The following IL1RAPL2 variants were observed in gnomAD, a reference collection of about 807,000 sequenced individuals.
IL1RAPL2 encodes the protein X-linked interleukin-1 receptor accessory protein-like 2.
IL1RAPL2 carries 3 observed loss-of-function variants against 44.1 expected under a neutral mutation model. The observed-to-expected ratio is 0.07, with a 90% confidence interval of 0.03 to 0.18. The LOEUF is 0.18. Ranked by LOEUF, IL1RAPL2 falls within the 10% of genes least tolerant of loss-of-function variation. The pLI is 1.00. For synonymous variants in IL1RAPL2, 181 were observed against 178.8 expected (o/e 1.01, Z -0.10); for missense variants, 391 against 496.4 (o/e 0.79, Z 2.02).
intron 5 of IL1RAPL2, among the ~76,000 whole-genome samples, chrX:105,392,161 A>T (rs2035530340): frequency 9.1e-6 from 1 of 109,521 alleles, no homozygotes; most frequent in African/African-American, 3.3e-5. Flanking sequence ...TAAAATAAAA[A>T]AATAAAAAAT....
chrX:105,664,711 A>G (rs1038907400), intron 6 of IL1RAPL2, among the ~76,000 whole-genome samples: 20 of 111,802 alleles, frequency 1.8e-4, no homozygotes, highest in African/African-American at 6.5e-4. Flanking sequence ...GGGCCATAAC[A>G]ACCTTTAAGG....
In IL1RAPL2 at chrX:104,908,990, G is replaced by C. The variant is rs1456410573; in HGVS notation, c.82+249995G>C. On this transcript the variant is annotated intron_variant, in intron 2 of 10. Transcript: ENST00000372582. ...TCACTTTCAGGTACACCAATCAGAC[G>C]TAGATTTGGTCTTTTCACATAGTCC... 3.6e-5 allele frequency among the ~76,000 whole-genome samples: 4 copies of C among 109,808 alleles called. No individual in the cohort carries two copies. In the East Asian group the frequency reaches 1.1e-3, roughly 31 times the overall value.
chrX:105,005,209 TGAG>T (rs2030920357), intron 2 of IL1RAPL2, among the ~76,000 whole-genome samples: 1 of 111,617 alleles, frequency 9.0e-6, no homozygotes, highest in African/African-American at 3.2e-5. Context: ...GTAAGTTTAA[TGAG>T]GAGAAGAACA....
intron 6 of IL1RAPL2, among the ~76,000 whole-genome samples, chrX:105,538,220 T>C (rs1252736037): frequency 9.2e-6 from 1 of 108,263 alleles, no homozygotes; most frequent in African/African-American, 3.4e-5. Context: ...GTATTTTTAG[T>C]AGAGACAGGG....
intron 5 of IL1RAPL2, among the ~76,000 whole-genome samples, chrX:105,301,708 C>T (rs2147674898): frequency 8.9e-6 from 1 of 112,073 alleles, no homozygotes; most frequent in South Asian, 3.7e-4. Context: ...AGATCTCATT[C>T]TTTTTTTATG....
chrX:105,598,271 CAT>C (rs1334026448), intron 6 of IL1RAPL2, among the ~76,000 whole-genome samples: 1 of 110,063 alleles, frequency 9.1e-6, no homozygotes, highest in African/African-American at 3.3e-5. Flanking sequence ...AAGTCAAACA[CAT>C]AGAAACAGAA....
intron 2 of IL1RAPL2, among the ~76,000 whole-genome samples, chrX:104,877,224 C>G (rs1198214687): frequency 9.0e-6 from 1 of 111,269 alleles, no homozygotes; most frequent in South Asian, 3.8e-4. Context: ...GCATGATTTA[C>G]AGTCCTTTGG....
At chrX:105,044,296 T>G (rs751036477) in intron 2 of IL1RAPL2, among the ~76,000 whole-genome samples, 1 of 111,153 alleles carries the variant, frequency 9.0e-6, no homozygotes, top group East Asian at 2.9e-4. Context: ...GTGTTAATAG[T>G]TTTGTATTTA....
At chrX:105,147,787 A>G (rs1006834576) in intron 2 of IL1RAPL2, among the ~76,000 whole-genome samples, 5 of 112,005 alleles carry the variant, frequency 4.5e-5, no homozygotes, top group Non-Finnish European at 9.4e-5. Context: ...TATTATGAAT[A>G]ATGCCATTAT....
intron 2 of IL1RAPL2, among the ~76,000 whole-genome samples, chrX:105,194,823 T>G (rs140175075): frequency 0.013 from 1,458 of 111,807 alleles, 28 homozygotes; most frequent in African/African-American, 0.045. Flanking sequence ...TTGTCACAAT[T>G]ATAGGCATAG....
chrX:104,900,326 G>A (rs1239362254), intron 2 of IL1RAPL2, among the ~76,000 whole-genome samples: 1 of 110,847 alleles, frequency 9.0e-6, no homozygotes, highest in Non-Finnish European at 1.9e-5. Context: ...TGGCATACGG[G>A]ATCAGATACA....
intron 2 of IL1RAPL2, among the ~76,000 whole-genome samples, chrX:104,939,249 G>T (rs1017115837): frequency 1.8e-5 from 2 of 110,231 alleles, no homozygotes; most frequent in Admixed American, 1.9e-4. Flanking sequence ...TAGAGACGGG[G>T]TTTCGCCATG....
chrX:104,595,824 C>T (rs1357083899), intron 1 of IL1RAPL2, among the ~76,000 whole-genome samples: 1 of 111,744 alleles, frequency 8.9e-6, no homozygotes, highest in Non-Finnish European at 1.9e-5. Context: ...GGATCTCTTA[C>T]ATAAAAATCA....
chrX:105,260,738 C>T (rs1201842235), intron 4 of IL1RAPL2, among the ~76,000 whole-genome samples: 1 of 111,513 alleles, frequency 9.0e-6, no homozygotes, highest in Non-Finnish European at 1.9e-5. Context: ...AGATCCCTTC[C>T]ACCACTGGTC....
intron 2 of IL1RAPL2, among the ~76,000 whole-genome samples, chrX:105,033,865 C>T (rs888550795): frequency 2.7e-5 from 3 of 112,037 alleles, no homozygotes; most frequent in South Asian, 3.7e-4. Flanking sequence ...GTACACCAAT[C>T]AGACATAGAT....
At chrX:105,200,619 A>G (rs2033708135) in intron 3 of IL1RAPL2, among the ~76,000 whole-genome samples, 1 of 112,352 alleles carries the variant, frequency 8.9e-6, no homozygotes, top group Admixed American at 9.4e-5. Context: ...CAGATATTGA[A>G]AAGAATGATT....
At chrX:105,716,169 C>CA (rs1295497332) in intron 6 of IL1RAPL2, among the ~76,000 whole-genome samples, 1 of 111,530 alleles carries the variant, frequency 9.0e-6, no homozygotes, top group Non-Finnish European at 1.9e-5. Flanking sequence ...AAAAAAACTG[C>CA]ATACCAAGAA....
intron 2 of IL1RAPL2, among the ~76,000 whole-genome samples, chrX:104,741,268 G>A (rs1222490420): frequency 1.8e-5 from 2 of 111,172 alleles, no homozygotes; most frequent in Non-Finnish European, 3.8e-5. Context: ...AGAAAATAAA[G>A]GAGGTGAGAA....
At chrX:104,677,871 C>T (rs755473238) in intron 2 of IL1RAPL2, among the ~76,000 whole-genome samples, 17 of 112,119 alleles carry the variant, frequency 1.5e-4, no homozygotes, top group South Asian at 7.6e-4. Flanking sequence ...AGGTGCCCTC[C>T]GTCACCCCTT....
Sources: allele counts gnomAD v4.1 joint callset (sites outside exome capture counted in the v4.1 genomes callset), GRCh38; gene constraint gnomAD v4.1.1; transcripts MANE v1.5; gene names NCBI Gene and HGNC (gene_info 2026-07-23, HGNC 2026-07-21).